DIP2C: variants seen among roughly 807,000 people sequenced by gnomAD.
DIP2C encodes DIP2 acetate--CoA ligase C (putative).
A neutral mutation model predicts 192.4 loss-of-function variants in DIP2C; 33 were observed. That is an observed-to-expected ratio of 0.17 (90% CI 0.13 to 0.23). The LOEUF (loss-of-function observed/expected upper bound fraction) is 0.23. Ranked by LOEUF, DIP2C falls within the 10% of genes least tolerant of loss-of-function variation. DIP2C has a pLI of 1.00. For synonymous variants in DIP2C, 979 were observed against 864.1 expected, an observed-to-expected ratio of 1.13 and a Z score of -2.33; for missense variants, 1,537 against 2,110.1, an observed-to-expected ratio of 0.73 and a Z score of 5.32.
At chr10:660,015 T>TA (rs1856656686) in intron 1 of DIP2C, among the ~76,000 whole-genome samples, 1 of 152,210 alleles carries the variant, frequency 6.6e-6, no homozygotes. Context: ...TTTGAAAATG[T>TA]ACAAAAGGAA....
chr10:557,857 G>A, intron 1 of DIP2C, among the ~76,000 whole-genome samples: 1 of 105,736 alleles, frequency 9.5e-6, no homozygotes, highest in Admixed American at 9.2e-5. Context: ...AAGGGGGAGG[G>A]GGCAGGGGCA....
At chr10:355,068 G>C (rs966788912) in intron 24 of DIP2C, among the ~76,000 whole-genome samples, 2 of 152,082 alleles carry the variant, frequency 1.3e-5, no homozygotes, top group African/African-American at 4.8e-5. Flanking sequence ...CAGATACAGG[G>C]ACCCACAGCA....
chr10:644,343 G>T (rs1024646545), intron 1 of DIP2C, among the ~76,000 whole-genome samples: 4 of 152,284 alleles, frequency 2.6e-5, no homozygotes, highest in Non-Finnish European at 5.9e-5. Context: ...TCTGTTTAGT[G>T]AATTGTCTCC....
intron 31 of DIP2C, among the ~76,000 whole-genome samples, chr10:310,656 G>A (rs1045410746): frequency 6.6e-6 from 1 of 152,184 alleles, no homozygotes; most frequent in African/African-American, 2.4e-5. Context: ...ATTTTATCCT[G>A]GAGAGCTGGG....
intron 1 of DIP2C, among the ~76,000 whole-genome samples, chr10:537,892 C>A (rs1847780926): frequency 6.6e-6 from 1 of 151,748 alleles, no homozygotes; most frequent in African/African-American, 2.4e-5. Flanking sequence ...CAAGTTCAGG[C>A]GATTCTCCTG....
intron 31 of DIP2C, among the ~76,000 whole-genome samples, chr10:326,785 GAC>G (rs1957290443): frequency 6.6e-6 from 1 of 152,194 alleles, no homozygotes; most frequent in Non-Finnish European, 1.5e-5. Context: ...AATGTTCCAG[GAC>G]AGAGTAAGTC....
intron 31 of DIP2C, among the ~76,000 whole-genome samples, chr10:312,995 C>T (rs952118535): frequency 1.3e-5 from 2 of 152,156 alleles, no homozygotes; most frequent in East Asian, 1.9e-4. Flanking sequence ...TCTTGTACCA[C>T]GTGGAGGAGG....
At chr10:597,792 A>C (rs567256685) in intron 1 of DIP2C, among the ~76,000 whole-genome samples, 2 of 152,288 alleles carry the variant, frequency 1.3e-5, no homozygotes, top group Admixed American at 1.3e-4. Flanking sequence ...GTCACTGGCC[A>C]CAGCTGGGGC....
chr10:682,881 A>G (rs888497803), intron 1 of DIP2C, among the ~76,000 whole-genome samples: 1 of 152,208 alleles, frequency 6.6e-6, no homozygotes, highest in South Asian at 2.1e-4. Flanking sequence ...CCAAGCTATT[A>G]GCGAAACAAA....
At chr10:467,548 T>A (rs1017897173) in intron 3 of DIP2C, among the ~76,000 whole-genome samples, 20 of 74,258 alleles carry the variant, frequency 2.7e-4, no homozygotes, top group South Asian at 4.5e-4. Context: ...ATAAATAAAA[T>A]AAAAATTATT....
At chr10:634,260 C>G (rs1214738855) in intron 1 of DIP2C, among the ~76,000 whole-genome samples, 1 of 152,264 alleles carries the variant, frequency 6.6e-6, no homozygotes, top group Non-Finnish European at 1.5e-5. Context: ...GGCCTCACCC[C>G]TTCCTGGTGC....
At chr10:601,156 T>C (rs1852047766) in intron 1 of DIP2C, among the ~76,000 whole-genome samples, 1 of 152,212 alleles carries the variant, frequency 6.6e-6, no homozygotes, top group Non-Finnish European at 1.5e-5. Context: ...AATCGCCTGC[T>C]GCACCCAACT....
intron 1 of DIP2C, among the ~76,000 whole-genome samples, chr10:542,637 A>G (rs1214120367): frequency 6.6e-6 from 1 of 152,112 alleles, no homozygotes; most frequent in Non-Finnish European, 1.5e-5. Context: ...CCCTCTCTAT[A>G]CCACAGATCA....
intron 1 of DIP2C, among the ~76,000 whole-genome samples, chr10:621,085 G>A (rs1300752332): frequency 6.6e-6 from 1 of 152,174 alleles, no homozygotes; most frequent in East Asian, 1.9e-4. Context: ...CAAGACACTT[G>A]AGTGCAGTCT....
At chr10:571,481 C>G (rs1301609652) in intron 1 of DIP2C, among the ~76,000 whole-genome samples, 1 of 151,542 alleles carries the variant, frequency 6.6e-6, no homozygotes, top group Non-Finnish European at 1.5e-5. Flanking sequence ...CCCTCCTTCA[C>G]TCCCATTCTC....
intron 32 of DIP2C, among the ~76,000 whole-genome samples, chr10:290,423 C>G (rs1955431025): frequency 6.6e-6 from 1 of 152,230 alleles, no homozygotes; most frequent in Non-Finnish European, 1.5e-5. Context: ...ATTTGCGGTG[C>G]AACACAAATG....
Position 454,923 on chromosome 10 carries a change from G to C in DIP2C, c.269-13927C>G, listed in dbSNP as rs1056862289. On this transcript the variant is annotated intron_variant, in intron 3 of 36. Transcript: ENST00000280886. Reference sequence around the variant, plus strand: ...GTATATCCACAGCTTTAAATCTTTAGAAAAACCCATACCCTTCACTTCCAT... The same window carrying C: ...GTATATCCACAGCTTTAAATCTTTACAAAAACCCATACCCTTCACTTCCAT... Among the ~76,000 whole-genome samples, 3 of 152,108 alleles carry C rather than the reference G, an allele frequency of 2.0e-5. No homozygotes were observed. In the South Asian group the frequency reaches 6.2e-4, roughly 31 times the overall value.
At chr10:347,742 C>T (rs1167820090) in intron 26 of DIP2C, among the ~76,000 whole-genome samples, 1 of 137,414 alleles carries the variant, frequency 7.3e-6, no homozygotes, top group Non-Finnish European at 1.5e-5. Flanking sequence ...CATAGTTCTC[C>T]CGGAAACCCT....
intron 2 of DIP2C, among the ~76,000 whole-genome samples, chr10:479,146 T>C (rs1843398221): frequency 6.6e-6 from 1 of 152,202 alleles, no homozygotes; most frequent in East Asian, 1.9e-4. Context: ...GTTCACATCG[T>C]AAAACTTTCT....
Sources: gnomAD v4.1 joint callset for allele counts (sites outside exome capture counted in the v4.1 genomes callset) on GRCh38, gnomAD v4.1.1 for gene constraint, MANE v1.5 for transcripts, NCBI Gene and HGNC (gene_info 2026-07-23, HGNC 2026-07-21) for gene names.